Variants in GPAT4 observed in about 807,000 individuals in gnomAD.
GPAT4 encodes the protein 1-AGP acyltransferase 6.
In GPAT4, 17 loss-of-function variants were observed where a neutral mutation model predicts 58.0. That is an observed-to-expected ratio of 0.29 (90% CI 0.20 to 0.44). GPAT4 has a LOEUF of 0.44. GPAT4 is among the 20% of genes least tolerant of loss of function. GPAT4 has a pLI of 1.00. For synonymous variants in GPAT4, 204 were observed against 210.1 expected (o/e 0.97, Z 0.25); for missense variants, 377 against 574.5 (o/e 0.66, Z 3.51).
intron 1 of GPAT4, among the ~76,000 whole-genome samples, chr8:41,598,034 A>G (rs1423096914): frequency 6.6e-6 from 1 of 152,190 alleles, no homozygotes. Context: ...ATATACATGT[A>G]TTTTATATTC....
At chr8:41,611,598 C>T (rs571315632) in intron 5 of GPAT4, among the ~76,000 whole-genome samples, 1 of 152,332 alleles carries the variant, frequency 6.6e-6, no homozygotes, top group East Asian at 1.9e-4. Flanking sequence ...TGGCCTTGGA[C>T]CTGCCTCTGG....
intron 2 of GPAT4, among the ~76,000 whole-genome samples, chr8:41,604,368 G>C (rs1233624948): frequency 6.6e-6 from 1 of 152,170 alleles, no homozygotes; most frequent in Non-Finnish European, 1.5e-5. Flanking sequence ...GAGAGGATAT[G>C]GGTGGATCAA....
At chr8:41,620,773 G>T in intron 12 of GPAT4, 120 bp from the exon 13 acceptor site, 4 of 1,473,156 alleles carry the variant, frequency 2.7e-6, no homozygotes, top group African/African-American at 1.4e-5. Flanking sequence ...AGAGTGCCAC[G>T]GGGTACCCTG....
intron 4 of GPAT4, 82 bp from the exon 5 acceptor site, chr8:41,610,654 C>T: frequency 6.3e-7 from 1 of 1,580,110 alleles, no homozygotes; most frequent in Non-Finnish European, 8.6e-7. Flanking sequence ...TTTTGTGATG[C>T]CCCCTTTGAT....
chr8:41,599,119 G>T lies in GPAT4; in HGVS notation c.-21G>T. On this transcript the variant is annotated 5_prime_UTR_variant, in exon 2 of 13. Coordinates refer to ENST00000396987, the MANE Select transcript of GPAT4 (RefSeq NM_178819.4). The stretch of plus-strand genomic sequence containing the variant: ...TTTGTTCTTAGGGAGGCAGGTGCTG[G>T]CCTGGCCTGGATCTTCCACCATGTT... The T allele has an allele frequency of 6.2e-7, 1 of 1,602,072 alleles. No homozygotes were observed. The highest frequency in any genetic ancestry group is 8.5e-7 in the Non-Finnish European group (1 of 1,175,946).
intron 8 of GPAT4, 140 bp from the exon 9 acceptor site, chr8:41,614,246 T>C (rs1041996296): frequency 2.1e-5 from 14 of 656,260 alleles, no homozygotes; most frequent in Non-Finnish European, 3.3e-5. Flanking sequence ...CATTAGATTA[T>C]GGGTTTAAAA....
rs141400279 is a variant in GPAT4, at chr8:41,598,791, A to T, written c.-349A>T. 4.6e-6 allele frequency: 1 copy of T among 215,346 alleles called. No individual in the cohort carries two copies. Among genetic ancestry groups the T allele is most frequent in the East Asian group, 1.2e-4 (1 of 8,686 alleles). The allele number at this position is 215,346 out of a possible 1,614,324, so 13.3% of individuals were successfully genotyped here. A position where few individuals can be genotyped will look rare whatever the true frequency, so the allele number is the denominator to read the frequency against. On this transcript the variant is annotated 5_prime_UTR_variant, in exon 2 of 13. Coordinates refer to ENST00000396987, the MANE Select transcript of GPAT4 (RefSeq NM_178819.4). ...AAAACCATGTAAAACCTCTGGAAGC[A>T]GCATCAGGACAGCAGAGCAGAGCCC...
rs1803755530 is a variant in GPAT4, at chr8:41,621,655, A to G, written c.*654A>G. On this transcript the variant is annotated 3_prime_UTR_variant, in exon 13 of 13. Coordinates refer to ENST00000396987, the MANE Select transcript of GPAT4 (RefSeq NM_178819.4). ...GTGTTCGTACTCCAGGCTAACCCTGAACTCCCCATGTGATGCGCGCTTTGT... is the reference window on the plus strand; with the variant it reads ...GTGTTCGTACTCCAGGCTAACCCTGGACTCCCCATGTGATGCGCGCTTTGT... 1 of 152,462 alleles carries G rather than the reference A, an allele frequency of 6.6e-6. No individual in the cohort carries two copies. The highest frequency in any genetic ancestry group is 6.5e-5 in the Admixed American group (1 of 15,316). 9.4% of individuals were successfully genotyped at this position (152,462 alleles called of 1,614,324 possible). A position where few individuals can be genotyped will look rare whatever the true frequency, so the allele number is the denominator to read the frequency against.
At chr8:41,615,172 G>GT in intron 10 of GPAT4, 124 bp downstream of exon 10, 1 of 821,706 alleles carries the variant, frequency 1.2e-6, no homozygotes, top group Non-Finnish European at 1.9e-6. Flanking sequence ...GCAGAGTGGC[G>GT]TGGGGCTGGG....
rs1368052276 is a variant in GPAT4, at chr8:41,623,491, C to T, written c.*2490C>T. 1.3e-5 allele frequency: 2 copies of T among 152,250 alleles called. No homozygotes were observed. The highest frequency in any genetic ancestry group is 2.9e-5 in the Non-Finnish European group (2 of 68,072). 9.4% of individuals were successfully genotyped at this position (152,250 alleles called of 1,614,324 possible). A position where few individuals can be genotyped will look rare whatever the true frequency, so the allele number is the denominator to read the frequency against. On this transcript the variant is annotated 3_prime_UTR_variant, in exon 13 of 13. Coordinates refer to ENST00000396987, the MANE Select transcript of GPAT4 (RefSeq NM_178819.4). Reference sequence around the variant, plus strand: ...TAACCCCCCTCCAAGCCTGCTGCACCTTCACTTCTCTGCATCCGTCTCCTG... The same window carrying T: ...TAACCCCCCTCCAAGCCTGCTGCACTTTCACTTCTCTGCATCCGTCTCCTG...
At chr8:41,602,184 G>A (rs1028626105) in intron 2 of GPAT4, among the ~76,000 whole-genome samples, 2 of 152,154 alleles carry the variant, frequency 1.3e-5, no homozygotes, top group African/African-American at 4.8e-5. Context: ...TGAACTCCTG[G>A]CCTCAACTGA....
chr8:41,615,127 G>C, intron 10 of GPAT4, 79 bp downstream of exon 10: 1 of 1,321,858 alleles, frequency 7.6e-7, no homozygotes, highest in Non-Finnish European at 1.1e-6. Flanking sequence ...GTAGAGGAAG[G>C]AGCTGGGGTC....
intron 1 of GPAT4, chr8:41,578,576 C>G (rs895975626): frequency 2.0e-5 from 3 of 152,232 alleles, no homozygotes; most frequent in Admixed American, 6.5e-5. Flanking sequence ...TCCCCCAAGT[C>G]CCAGGTGTGC....
intron 1 of GPAT4, among the ~76,000 whole-genome samples, chr8:41,594,058 C>A (rs1802858946): frequency 6.6e-6 from 1 of 152,088 alleles, no homozygotes; most frequent in African/African-American, 2.4e-5. Context: ...ACTTTGTAGA[C>A]ATATTTATTC....
chr8:41,619,918 T>C (rs1803700102), intron 12 of GPAT4, among the ~76,000 whole-genome samples: 1 of 152,226 alleles, frequency 6.6e-6, no homozygotes, highest in African/African-American at 2.4e-5. Flanking sequence ...ATCGTCTCTT[T>C]CGCCCTCACA....
chr8:41,579,348 A>G (rs1429764620), intron 1 of GPAT4, among the ~76,000 whole-genome samples: 8 of 152,284 alleles, frequency 5.3e-5, no homozygotes, highest in African/African-American at 1.2e-4. Context: ...CCCCTCCCGT[A>G]TGTCTCAGGG....
chr8:41,605,922 G>A (rs1217475140), intron 2 of GPAT4, among the ~76,000 whole-genome samples: 1 of 152,190 alleles, frequency 6.6e-6, no homozygotes, highest in African/African-American at 2.4e-5. Flanking sequence ...CTGGCAGCAT[G>A]TGGATCGGAG....
chr8:41,582,696 G>GTGTGA (rs1563266509), intron 1 of GPAT4, among the ~76,000 whole-genome samples: 1 of 115,176 alleles, frequency 8.7e-6, no homozygotes, highest in Non-Finnish European at 1.9e-5. Context: ...TGTGTGTGTG[G>GTGTGA]GTGTATCTCA....
At chr8:41,585,412 C>T (rs7829809) in intron 1 of GPAT4, among the ~76,000 whole-genome samples, 3,403 of 152,236 alleles carry the variant, frequency 0.022, 114 homozygotes, top group African/African-American at 0.075. Context: ...CAAACCCTTC[C>T]GAGGCTCGGT....
Sources: allele counts gnomAD v4.1 joint callset (sites outside exome capture counted in the v4.1 genomes callset), GRCh38; gene constraint gnomAD v4.1.1; transcripts MANE v1.5; gene names NCBI Gene and HGNC (gene_info 2026-07-23, HGNC 2026-07-21).